The following RORA variants were observed in gnomAD, a reference collection of about 807,000 sequenced individuals.
RORA encodes nuclear receptor ROR-alpha.
A neutral mutation model predicts 69.5 loss-of-function variants in RORA; 7 were observed. The ratio of observed to expected loss-of-function variants is 0.10; its 90% CI spans 0.06 to 0.19. The LOEUF is 0.19. Among genes scored for constraint, RORA ranks in the 10% least tolerant of loss-of-function variants. The pLI is 1.00. For synonymous variants in RORA, 261 were observed against 240.8 expected (o/e 1.08, Z -0.78); for missense variants, 457 against 663.0 (o/e 0.69, Z 3.41).
intron 1 of RORA, among the ~76,000 whole-genome samples, chr15:61,191,330 A>G (rs1217033171): frequency 6.6e-6 from 1 of 151,302 alleles, no homozygotes; most frequent in Non-Finnish European, 1.5e-5. Context: ...ACATTTTTTA[A>G]AGGAAAGCAC....
At chr15:61,167,329 T>A (rs1180612324) in intron 1 of RORA, among the ~76,000 whole-genome samples, 1 of 152,190 alleles carries the variant, frequency 6.6e-6, no homozygotes, top group Non-Finnish European at 1.5e-5. Context: ...AATGACAATG[T>A]TCTTTGTCTG....
At chr15:60,600,468 C>T (rs2068786239) in intron 2 of RORA, among the ~76,000 whole-genome samples, 1 of 152,194 alleles carries the variant, frequency 6.6e-6, no homozygotes, top group African/African-American at 2.4e-5. Flanking sequence ...GGATGGGATT[C>T]ATCTGGGCTG....
chr15:60,648,340 A>G (rs1398253891), intron 2 of RORA, among the ~76,000 whole-genome samples: 1 of 152,246 alleles, frequency 6.6e-6, no homozygotes, highest in Non-Finnish European at 1.5e-5. Context: ...TCTCAACTTC[A>G]TTTAAAAATC....
intron 1 of RORA, among the ~76,000 whole-genome samples, chr15:60,781,579 G>C (rs2072256968): frequency 6.6e-6 from 1 of 151,944 alleles, no homozygotes; most frequent in Non-Finnish European, 1.5e-5. Flanking sequence ...TGCAGGGACG[G>C]AGAACGCACG....
intron 2 of RORA, among the ~76,000 whole-genome samples, chr15:60,548,349 C>A (rs1368407270): frequency 6.6e-6 from 1 of 152,142 alleles, no homozygotes; most frequent in South Asian, 2.1e-4. Flanking sequence ...TCTCCATGAA[C>A]ACTGCAGTCA....
chr15:61,106,861 T>C (rs2078954767), intron 1 of RORA, among the ~76,000 whole-genome samples: 1 of 152,212 alleles, frequency 6.6e-6, no homozygotes. Flanking sequence ...TACGAGCAGT[T>C]CAAAGTAGAA....
intron 2 of RORA, among the ~76,000 whole-genome samples, chr15:60,578,522 T>C (rs1006750161): frequency 2.0e-5 from 3 of 152,228 alleles, no homozygotes; most frequent in African/African-American, 7.2e-5. Context: ...TGAATAATTA[T>C]AGTCTGTTAT....
chr15:60,697,564 C>CTT (rs577116893), intron 1 of RORA, among the ~76,000 whole-genome samples: 4 of 144,748 alleles, frequency 2.8e-5, no homozygotes, highest in Admixed American at 6.9e-5. Context: ...TTCAAGTCTA[C>CTT]TTTTTTTTTT....
At chr15:60,851,736 G>A (rs1168278263) in intron 1 of RORA, among the ~76,000 whole-genome samples, 2 of 151,754 alleles carry the variant, frequency 1.3e-5, no homozygotes, top group Non-Finnish European at 2.9e-5. Context: ...GAGAGAGTGT[G>A]TGTGTGTATG....
intron 1 of RORA, among the ~76,000 whole-genome samples, chr15:61,188,467 A>G (rs2079765713): frequency 6.6e-6 from 1 of 152,138 alleles, no homozygotes; most frequent in African/African-American, 2.4e-5. Context: ...TGAGTTCTGC[A>G]AAACTGGAGG....
intron 3 of RORA, among the ~76,000 whole-genome samples, chr15:60,524,869 T>G (rs1176364214): frequency 2.0e-5 from 3 of 152,216 alleles, no homozygotes; most frequent in Non-Finnish European, 4.4e-5. Context: ...GATATGTATA[T>G]CTGCTTTACA....
At position 60,531,947 on chromosome 15, in the gene RORA, C is replaced by A. The variant is rs1555427514; in HGVS notation, c.197-96G>T. 2.9e-6 allele frequency: 2 copies of A among 684,672 alleles called. No homozygotes were observed. Among genetic ancestry groups the A allele is most frequent in the Non-Finnish European group, 5.0e-6 (2 of 401,556 alleles). The allele number at this position is 684,672 out of a possible 1,614,324, so 42.4% of individuals were successfully genotyped here. A position where few individuals can be genotyped will look rare whatever the true frequency, so the allele number is the denominator to read the frequency against. On this transcript the variant is annotated intron_variant, in intron 2 of 10. Coordinates refer to ENST00000335670, the MANE Select transcript of RORA (RefSeq NM_134261.3). This position sits in a 1 kb window ranked among gnomAD's most constrained non-coding sequence, Gnocchi z 4.8. ...GCATTTGTATAGTGAAAACTAATAA[C>A]CTGCTAAACATTATACTGCATTAAC...
chr15:61,035,942 A>G (rs1219582080), intron 1 of RORA, among the ~76,000 whole-genome samples: 3 of 152,226 alleles, frequency 2.0e-5, no homozygotes, highest in Non-Finnish European at 4.4e-5. Context: ...TGACATGGAC[A>G]TAAATGCTAA....
In RORA at chr15:60,511,277, A is replaced by G; in HGVS notation, c.769T>C (p.Cys257Arg). Reference sequence around the variant, plus strand: ...GAAGTCTCGCCGTTGGTGAACGAACAGTAGGGAAAGAAGCCTGATGCTGGT... The same window carrying G: ...GAAGTCTCGCCGTTGGTGAACGAACGGTAGGGAAAGAAGCCTGATGCTGGT... The part of the protein sequence containing the change: ...YTPASGFFPY[C>R]SFTNGETSPT... The change falls in exon 5 of 11, where the codon TGT (cysteine) becomes CGT (arginine). Residue 257 changes from cysteine to arginine, a missense_variant. Cys to Arg is a radical substitution (Grantham distance 180). Coordinates refer to ENST00000335670, the MANE Select transcript of RORA (RefSeq NM_134261.3). This position sits in a 1 kb window ranked among gnomAD's most constrained non-coding sequence, Gnocchi z 6.4. The G allele has an allele frequency of 6.2e-7, 1 of 1,614,210 alleles. No individual in the cohort carries two copies. Among genetic ancestry groups the G allele is most frequent in the Non-Finnish European group, 8.5e-7 (1 of 1,180,020 alleles).
chr15:60,505,847 GC>G, intron 5 of RORA, among the ~76,000 whole-genome samples: 1 of 152,122 alleles, frequency 6.6e-6, no homozygotes, highest in African/African-American at 2.4e-5. Flanking sequence ...GATAAGACCT[GC>G]TGACTTCAAA....
intron 1 of RORA, among the ~76,000 whole-genome samples, chr15:60,931,991 C>G (rs1201988360): frequency 2.0e-5 from 3 of 151,930 alleles, no homozygotes; most frequent in Admixed American, 1.3e-4. Flanking sequence ...AATTCTAATC[C>G]TGAATTCTCA....
chr15:60,739,294 T>G (rs2071542650), intron 1 of RORA, among the ~76,000 whole-genome samples: 1 of 152,108 alleles, frequency 6.6e-6, no homozygotes, highest in Admixed American at 6.5e-5. Context: ...GGTTTGGGGC[T>G]GGGCGCAGTG....
At chr15:60,716,064 C>T (rs560125673) in intron 1 of RORA, among the ~76,000 whole-genome samples, 19 of 152,020 alleles carry the variant, frequency 1.2e-4, no homozygotes, top group South Asian at 4.1e-4. Flanking sequence ...ATACGAATTG[C>T]CTGGAGATCT....
intron 2 of RORA, among the ~76,000 whole-genome samples, chr15:60,602,242 T>A (rs8032944): frequency 0.42 from 63,166 of 152,000 alleles, 13,257 homozygotes; most frequent in African/African-American, 0.47. Context: ...AAGAGGGCAT[T>A]TGGTAAGTCT....
Sources: allele counts gnomAD v4.1 joint callset (sites outside exome capture counted in the v4.1 genomes callset), GRCh38; gene constraint gnomAD v4.1.1; non-coding constraint Gnocchi (gnomAD v3.1); transcripts MANE v1.5; gene names NCBI Gene and HGNC (gene_info 2026-07-23, HGNC 2026-07-21).